Variants in MAPK10 observed in about 807,000 individuals in gnomAD.
MAPK10 encodes the protein JNK3 alpha protein kinase.
MAPK10 carries 25 observed loss-of-function variants against 59.3 expected under a neutral mutation model. That is an observed-to-expected ratio of 0.42 (90% CI 0.31 to 0.59). The LOEUF is 0.59. Among genes scored for constraint, MAPK10 ranks in the 20% least tolerant of loss-of-function variants. The pLI is 0.15. For missense variants in MAPK10, 351 were observed against 568.9 expected, an observed-to-expected ratio of 0.62 and a Z score of 3.90; for synonymous variants, 190 against 200.5, an observed-to-expected ratio of 0.95 and a Z score of 0.44.
chr4:86,351,429 A>G (rs1442837346), intron 2 of MAPK10, among the ~76,000 whole-genome samples: 1 of 144,148 alleles, frequency 6.9e-6, no homozygotes, highest in Non-Finnish European at 1.6e-5. Flanking sequence ...ACACACACAC[A>G]TTTTATGACA....
intron 1 of MAPK10, among the ~76,000 whole-genome samples, chr4:86,590,778 C>T (rs1578200168): frequency 6.6e-6 from 1 of 151,480 alleles, no homozygotes; most frequent in Middle Eastern, 3.4e-3. Flanking sequence ...AGAGCAAGAC[C>T]GTGTCTCAAA....
chr4:86,570,850 T>G (rs1463802626), intron 1 of MAPK10, among the ~76,000 whole-genome samples: 2 of 152,034 alleles, frequency 1.3e-5, no homozygotes, highest in East Asian at 3.8e-4. Context: ...ACCAAGAGGT[T>G]GGAGGAGGGT....
intron 2 of MAPK10, among the ~76,000 whole-genome samples, chr4:86,266,532 G>A (rs1183055193): frequency 2.0e-5 from 3 of 152,156 alleles, no homozygotes; most frequent in African/African-American, 7.2e-5. Flanking sequence ...AAGCCAAATA[G>A]ATATTTCCTA....
chr4:86,576,550 G>A (rs1761907567), intron 1 of MAPK10, among the ~76,000 whole-genome samples: 1 of 150,860 alleles, frequency 6.6e-6, no homozygotes. Flanking sequence ...CGAGACGGGT[G>A]GATCATGAGG....
chr4:86,560,257 C>CA (rs1760572820), intron 1 of MAPK10, among the ~76,000 whole-genome samples: 1 of 152,150 alleles, frequency 6.6e-6, no homozygotes, highest in Non-Finnish European at 1.5e-5. Flanking sequence ...GGTTCAGAGT[C>CA]AGAGTGAGAC....
intron 1 of MAPK10, among the ~76,000 whole-genome samples, chr4:86,518,098 C>G (rs1756834319): frequency 6.6e-6 from 1 of 152,198 alleles, no homozygotes; most frequent in African/African-American, 2.4e-5. Context: ...TCTTGGCTCA[C>G]TGCAACCTTC....
At chr4:86,516,039 A>C (rs55842318) in intron 1 of MAPK10, among the ~76,000 whole-genome samples, 34,332 of 152,036 alleles carry the variant, frequency 0.23, 4,604 homozygotes, top group Admixed American at 0.3. Context: ...TTTTTGATCC[A>C]TCTTAAGTTT....
At chr4:86,383,820 A>G (rs1741082747) in intron 1 of MAPK10, among the ~76,000 whole-genome samples, 1 of 152,228 alleles carries the variant, frequency 6.6e-6, no homozygotes, top group South Asian at 2.1e-4. Flanking sequence ...AGGTAATCAT[A>G]TGTAGAGATA....
At chr4:86,516,345 G>C (rs1756658957) in intron 1 of MAPK10, among the ~76,000 whole-genome samples, 1 of 152,046 alleles carries the variant, frequency 6.6e-6, no homozygotes, top group Admixed American at 6.5e-5. Flanking sequence ...TTTTTATTTA[G>C]TCTTGCTTTG....
At chr4:86,542,704 G>A (rs918541822) in intron 1 of MAPK10, among the ~76,000 whole-genome samples, 3 of 152,138 alleles carry the variant, frequency 2.0e-5, no homozygotes, top group Non-Finnish European at 4.4e-5. Flanking sequence ...TCAGATATAT[G>A]TATGAGAAGA....
At chr4:86,475,647 G>T (rs369930056) in intron 1 of MAPK10, among the ~76,000 whole-genome samples, 1 of 152,090 alleles carries the variant, frequency 6.6e-6, no homozygotes, top group Non-Finnish European at 1.5e-5. Flanking sequence ...CTGACCACAT[G>T]GGGACGCCTG....
At chr4:86,174,111 C>T (rs1192513960) in intron 3 of MAPK10, among the ~76,000 whole-genome samples, 2 of 152,108 alleles carry the variant, frequency 1.3e-5, no homozygotes, top group Non-Finnish European at 2.9e-5. Flanking sequence ...CCCAGCAATC[C>T]CATTACTGGG....
intron 1 of MAPK10, among the ~76,000 whole-genome samples, chr4:86,529,318 T>C (rs925608134): frequency 1.3e-5 from 2 of 152,048 alleles, no homozygotes; most frequent in African/African-American, 4.8e-5. Flanking sequence ...ACATTTGTGG[T>C]TTCCAATCTC....
At chr4:86,294,195 C>T (rs187629432) in intron 2 of MAPK10, among the ~76,000 whole-genome samples, 2,367 of 152,220 alleles carry the variant, frequency 0.016, 32 homozygotes, top group Non-Finnish European at 0.021. Flanking sequence ...GTGAGTGAGT[C>T]GATAATATGC....
At chr4:86,380,262 A>C (rs893223940) in intron 1 of MAPK10, among the ~76,000 whole-genome samples, 7 of 151,970 alleles carry the variant, frequency 4.6e-5, no homozygotes, top group South Asian at 2.1e-4. Flanking sequence ...AAACCCCCCC[A>C]AAAAAACCTG....
chr4:86,509,587 A>ATT (rs757584602), intron 1 of MAPK10, among the ~76,000 whole-genome samples: 3 of 152,152 alleles, frequency 2.0e-5, no homozygotes, highest in Non-Finnish European at 4.4e-5. Context: ...CAACTTGGAG[A>ATT]TTTTGACTTT....
At chr4:86,172,552 T>C (rs376453048) in intron 3 of MAPK10, among the ~76,000 whole-genome samples, 10,613 of 146,612 alleles carry the variant, frequency 0.072, 871 homozygotes, top group African/African-American at 0.2. Flanking sequence ...GGAAGGGGAA[T>C]ATCACACTCT....
chr4:86,549,226 C>T (rs905205718), intron 1 of MAPK10, among the ~76,000 whole-genome samples: 6 of 152,050 alleles, frequency 3.9e-5, no homozygotes, highest in African/African-American at 1.4e-4. Context: ...AAATACAGTC[C>T]GGCATCACTT....
intron 1 of MAPK10, among the ~76,000 whole-genome samples, chr4:86,405,868 T>C (rs184383852): frequency 1.4e-4 from 22 of 152,350 alleles, no homozygotes; most frequent in African/African-American, 5.1e-4. Context: ...AGTGTTGGAA[T>C]CCATCATCTT....
Sources: gnomAD v4.1 joint callset for allele counts (sites outside exome capture counted in the v4.1 genomes callset) on GRCh38, gnomAD v4.1.1 for gene constraint, MANE v1.5 for transcripts, NCBI Gene and HGNC (gene_info 2026-07-23, HGNC 2026-07-21) for gene names.